C16orf96: variants seen among roughly 807,000 people sequenced by gnomAD.
C16orf96 encodes chromosome 16 open reading frame 96, also known as uncharacterized protein C16orf96.
A neutral mutation model predicts 103.6 loss-of-function variants in C16orf96; 108 were observed. The observed-to-expected ratio is 1.04, with a 90% CI of 0.89 to 1.22. The LOEUF is 1.22. Ranked by LOEUF, C16orf96 falls within the 50% of genes most tolerant of loss-of-function variation. C16orf96 has a pLI of 0.00. For synonymous variants in C16orf96, 566 were observed against 593.5 expected, an observed-to-expected ratio of 0.95 and a Z score of 0.67; for missense variants, 1,586 against 1,464.2, an observed-to-expected ratio of 1.08 and a Z score of -1.36.
chr16:4,588,618 G>C (rs896443066), intron 9 of C16orf96, among the ~76,000 whole-genome samples: 31 of 151,784 alleles, frequency 2.0e-4, no homozygotes, highest in African/African-American at 7.2e-4. Context: ...TCTGCCTTTG[G>C]GCCACTTGAG....
the C16orf96 span, among the ~76,000 whole-genome samples, chr16:4,550,116 C>T: frequency 1.9e-3 from 279 of 146,392 alleles, no homozygotes; most frequent in African/African-American, 6.7e-3. Context: ...GACAGTTTCA[C>T]TCTTGTTGCC....
At chr16:4,585,312 A>AAAG (rs60726283) in intron 7 of C16orf96, among the ~76,000 whole-genome samples, 17,000 of 109,748 alleles carry the variant, frequency 0.15, 3,910 homozygotes, top group African/African-American at 0.29. Flanking sequence ...AAAAAAAAAA[A>AAAG]TCCAGGTAGG....
At chr16:4,552,380 G>T (rs1389916567), upstream of C16orf96, among the ~76,000 whole-genome samples, 6 of 151,528 alleles carry the variant, frequency 4.0e-5, no homozygotes, top group Non-Finnish European at 5.9e-5. Context: ...TACTTGGGAG[G>T]CTGAGGCAGG....
chr16:4,557,585 A>G (rs1318238574), intron 1 of C16orf96, among the ~76,000 whole-genome samples: 2 of 152,208 alleles, frequency 1.3e-5, no homozygotes, highest in Non-Finnish European at 2.9e-5. Flanking sequence ...AACTAGATGG[A>G]GGTGGTAGTT....
chr16:4,597,420 C>G (rs1035716176), intron 14 of C16orf96, among the ~76,000 whole-genome samples: 7 of 152,198 alleles, frequency 4.6e-5, no homozygotes, highest in Admixed American at 2.0e-4. Flanking sequence ...ATCTGATGCA[C>G]CCAGTCCTGT....
intron 7 of C16orf96, among the ~76,000 whole-genome samples, chr16:4,583,881 C>T (rs1383401361): frequency 7.3e-6 from 1 of 137,592 alleles, no homozygotes. Context: ...GCCAAGATCG[C>T]ACCACTGCAC....
chr16:4,556,206 C>T (rs74005358), upstream of C16orf96, among the ~76,000 whole-genome samples: 935 of 152,266 alleles, frequency 6.1e-3, 10 homozygotes, highest in African/African-American at 0.021. Flanking sequence ...AACATTCATC[C>T]AATATTAACT....
chr16:4,582,652 T>G (rs1359825149), intron 7 of C16orf96, among the ~76,000 whole-genome samples: 9 of 152,114 alleles, frequency 5.9e-5, no homozygotes. Flanking sequence ...CCAGGTCTCC[T>G]GCCAACACTC....
the C16orf96 span, among the ~76,000 whole-genome samples, chr16:4,546,465 T>TTTC: frequency 6.8e-6 from 1 of 147,448 alleles, no homozygotes; most frequent in East Asian, 2.0e-4. Context: ...GACTTTTTTT[T>TTTC]TTTTTTTTTT....
At chr16:4,547,732 CT>C in the C16orf96 span, among the ~76,000 whole-genome samples, 2 of 125,024 alleles carry the variant, frequency 1.6e-5, no homozygotes, top group African/African-American at 5.6e-5. Context: ...TTCTTTCTTT[CT>C]TTCTCCTTCC....
chr16:4,564,973 C>T (rs577027883), intron 1 of C16orf96, among the ~76,000 whole-genome samples: 3 of 152,304 alleles, frequency 2.0e-5, no homozygotes, highest in South Asian at 2.1e-4. Flanking sequence ...TTCACAGTGT[C>T]GTGAAGTGCT....
At chr16:4,573,258 T>A (rs1273329224) in intron 2 of C16orf96, among the ~76,000 whole-genome samples, 1 of 151,478 alleles carries the variant, frequency 6.6e-6, no homozygotes, top group Non-Finnish European at 1.5e-5. Context: ...GCCAACATGG[T>A]AAAACCCCCG....
Position 4,593,632 on chromosome 16 carries a change from G to T in C16orf96, c.2867+316G>T, listed in dbSNP as rs1412361005. Among the ~76,000 whole-genome samples the T allele has an allele frequency of 1.3e-5, 2 of 152,060 alleles. 1 individual carries two copies. The highest frequency in any genetic ancestry group is 4.1e-4 in the South Asian group (2 of 4,824). On this transcript the variant is annotated intron_variant, in intron 12 of 15. Coordinates refer to ENST00000444310, the MANE Select transcript of C16orf96 (RefSeq NM_001145011.2). The surrounding 1 kb of genome is among the most constrained non-coding windows in gnomAD (Gnocchi z 4.2). ...TCCTATGCCCATGTCCCTGTTTCTT[G>T]GCGGAGGGAATCGGTGATGATGGGG...
the C16orf96 span, among the ~76,000 whole-genome samples, chr16:4,550,635 A>AACAAGG: frequency 3.3e-5 from 5 of 152,180 alleles, no homozygotes; most frequent in African/African-American, 7.2e-5. Context: ...AGGAACCTGC[A>AACAAGG]AATGTTTACC....
At chr16:4,557,230 A>G (rs896675718) in intron 1 of C16orf96, among the ~76,000 whole-genome samples, 2 of 152,014 alleles carry the variant, frequency 1.3e-5, no homozygotes, top group Non-Finnish European at 2.9e-5. Flanking sequence ...TCGGCTTCCT[A>G]AAGTGCTGGG....
the C16orf96 span, among the ~76,000 whole-genome samples, chr16:4,548,563 C>G: frequency 2.0e-5 from 3 of 152,150 alleles, no homozygotes; most frequent in African/African-American, 7.2e-5. Context: ...AGAACTTTTG[C>G]GCCTAAAAGT....
intron 1 of C16orf96, among the ~76,000 whole-genome samples, chr16:4,570,491 G>C (rs1272146517): frequency 7.9e-6 from 1 of 127,188 alleles, no homozygotes; most frequent in East Asian, 2.4e-4. Flanking sequence ...TTTAGATAGA[G>C]ACTCACTTCG....
chr16:4,585,328 T>TCAC (rs532812696), intron 7 of C16orf96, among the ~76,000 whole-genome samples: 110 of 142,544 alleles, frequency 7.7e-4, no homozygotes, highest in Admixed American at 7.4e-3. Flanking sequence ...GTAGGTGGTG[T>TCAC]CACCTGCAGT....
chr16:4,568,735 C>A (rs906686065), intron 1 of C16orf96, among the ~76,000 whole-genome samples: 1 of 149,096 alleles, frequency 6.7e-6, no homozygotes, highest in Admixed American at 6.8e-5. Flanking sequence ...CTAGGAAGAT[C>A]CTCCCATCTC....
Sources: gnomAD v4.1 joint callset for allele counts (sites outside exome capture counted in the v4.1 genomes callset) on GRCh38, gnomAD v4.1.1 for gene constraint, Gnocchi (gnomAD v3.1) non-coding constraint, MANE v1.5 for transcripts, NCBI Gene and HGNC (gene_info 2026-07-23, HGNC 2026-07-21) for gene names.